The following ACAP2 variants were observed in gnomAD, a reference collection of about 807,000 sequenced individuals.
The protein encoded by ACAP2 is ArfGAP with coiled-coil, ankyrin repeat and PH domains 2.
In ACAP2, 39 loss-of-function variants were observed where a neutral mutation model predicts 115.8. The ratio of observed to expected loss-of-function variants is 0.34; its 90% CI spans 0.26 to 0.44. The LOEUF is 0.44. Among genes scored for constraint, ACAP2 ranks in the 20% least tolerant of loss-of-function variants. The pLI, the probability that ACAP2 is intolerant of heterozygous loss-of-function variation, is 1.00. For missense variants in ACAP2, 662 were observed against 927.6 expected (o/e 0.71, Z 3.72); for synonymous variants, 289 against 315.8 (o/e 0.92, Z 0.90).
intron 2 of ACAP2, among the ~76,000 whole-genome samples, chr3:195,382,543 C>G (rs1734018178): frequency 6.6e-6 from 1 of 151,812 alleles, no homozygotes; most frequent in African/African-American, 2.4e-5. Context: ...TCTTTCTCTC[C>G]TTTCTTTCAG....
At chr3:195,373,652 AG>A (rs1733325949) in intron 4 of ACAP2, among the ~76,000 whole-genome samples, 2 of 152,194 alleles carry the variant, frequency 1.3e-5, no homozygotes, top group South Asian at 4.1e-4. Context: ...ATATACTGCC[AG>A]GGACAGTGGC....
intron 4 of ACAP2, among the ~76,000 whole-genome samples, chr3:195,366,226 T>C (rs1177271131): frequency 1.3e-5 from 2 of 152,182 alleles, no homozygotes; most frequent in African/African-American, 2.4e-5. Context: ...TAGTGTTGTA[T>C]CACAATCACA....
At chr3:195,302,861 G>A (rs561389600) in intron 13 of ACAP2, among the ~76,000 whole-genome samples, 5 of 152,118 alleles carry the variant, frequency 3.3e-5, no homozygotes, top group Non-Finnish European at 7.4e-5. Context: ...GAAGCGGGAG[G>A]ACCACTTGGG....
At chr3:195,407,377 A>T (rs931350526) in intron 1 of ACAP2, among the ~76,000 whole-genome samples, 1 of 152,082 alleles carries the variant, frequency 6.6e-6, no homozygotes, top group South Asian at 2.1e-4. Context: ...AAAGGAAAAA[A>T]TACATTAAAA....
intron 4 of ACAP2, chr3:195,356,114 T>C (rs1204523910): frequency 6.6e-6 from 3 of 456,514 alleles, no homozygotes; most frequent in South Asian, 3.1e-5. Flanking sequence ...AAAGACAGTC[T>C]TGAATTGCTG....
chr3:195,313,108 A>C (rs1440530460), intron 10 of ACAP2: 1 of 152,282 alleles, frequency 6.6e-6, no homozygotes, highest in Non-Finnish European at 1.5e-5. Context: ...TTAAGCTCTG[A>C]ACCTAACAAA....
chr3:195,300,109 C>T (rs796837115), intron 15 of ACAP2, among the ~76,000 whole-genome samples: 54 of 144,200 alleles, frequency 3.7e-4, no homozygotes, highest in African/African-American at 1.2e-3. Context: ...TGCAGTGGTG[C>T]GATCTCGGCT....
chr3:195,369,370 A>G (rs1732966203), intron 4 of ACAP2, among the ~76,000 whole-genome samples: 2 of 152,178 alleles, frequency 1.3e-5, no homozygotes, highest in Non-Finnish European at 2.9e-5. Context: ...TCACCCAGGT[A>G]ACAAGCCTAG....
chr3:195,327,157 C>T (rs1729851073), intron 8 of ACAP2, among the ~76,000 whole-genome samples, 198 bp from the exon 9 acceptor site: 2 of 152,104 alleles, frequency 1.3e-5, no homozygotes, highest in Non-Finnish European at 2.9e-5. Context: ...TCCATATCTC[C>T]ACTAGAAAAT....
intron 1 of ACAP2, among the ~76,000 whole-genome samples, chr3:195,394,820 C>T (rs958684955): frequency 2.6e-5 from 4 of 152,064 alleles, no homozygotes; most frequent in Admixed American, 2.0e-4. Context: ...TGCTTGAGCC[C>T]GGAGGATTGC....
At chr3:195,434,923 GC>G (rs1715416674) in intron 1 of ACAP2, among the ~76,000 whole-genome samples, 1 of 151,868 alleles carries the variant, frequency 6.6e-6, no homozygotes, top group African/African-American at 2.4e-5. Flanking sequence ...GTAGTGATGT[GC>G]CCTCTTTCAC....
intron 13 of ACAP2, among the ~76,000 whole-genome samples, chr3:195,303,051 T>C (rs1728172380): frequency 6.6e-6 from 1 of 152,116 alleles, no homozygotes; most frequent in Admixed American, 6.5e-5. Flanking sequence ...CTGTCTCTAC[T>C]AAAAATACAA....
At chr3:195,372,279 G>A (rs1292849646) in intron 4 of ACAP2, among the ~76,000 whole-genome samples, 2 of 152,150 alleles carry the variant, frequency 1.3e-5, no homozygotes, top group African/African-American at 2.4e-5. Context: ...TTCATTAAGA[G>A]AATAACATTT....
At chr3:195,384,816 G>C (rs1056814801) in intron 2 of ACAP2, among the ~76,000 whole-genome samples, 1 of 152,020 alleles carries the variant, frequency 6.6e-6, no homozygotes, top group African/African-American at 2.4e-5. Flanking sequence ...ATTTTCACTG[G>C]GTACACACTT....
intron 14 of ACAP2, 46 bp from the exon 15 acceptor site, chr3:195,301,690 C>A (rs1340728405): frequency 1.1e-5 from 17 of 1,544,392 alleles, no homozygotes; most frequent in Admixed American, 5.4e-5. Context: ...TCTCTGTTTG[C>A]GTATTTGCGC....
In ACAP2 at chr3:195,435,394, C is replaced by T. The variant is rs1715459057; in HGVS notation, c.53+7401G>A. Among the ~76,000 whole-genome samples the T allele has an allele frequency of 2.0e-5, 3 of 151,924 alleles. No homozygotes were observed. The South Asian group carries it at 6.2e-4, about 32-fold the overall frequency. Reference sequence around the variant, plus strand: ...TTCACCATGTTGGTCTCTCAATCTCCTGACCTCGTGATCCACCCACCTCGG... The same window carrying T: ...TTCACCATGTTGGTCTCTCAATCTCTTGACCTCGTGATCCACCCACCTCGG... On this transcript the variant is annotated intron_variant, in intron 1 of 22. Coordinates refer to ENST00000326793, the MANE Select transcript of ACAP2 (RefSeq NM_012287.6).
intron 4 of ACAP2, among the ~76,000 whole-genome samples, chr3:195,353,285 T>G (rs1418558982): frequency 6.6e-6 from 1 of 152,152 alleles, no homozygotes; most frequent in Non-Finnish European, 1.5e-5. Flanking sequence ...CCCAAATTCC[T>G]GGCCCAGAAA....
chr3:195,319,464 A>G (rs950218411), intron 10 of ACAP2, among the ~76,000 whole-genome samples: 1 of 152,202 alleles, frequency 6.6e-6, no homozygotes, highest in African/African-American at 2.4e-5. Flanking sequence ...CAGGGGCTAC[A>G]CTCTGCAGAG....
intron 15 of ACAP2, among the ~76,000 whole-genome samples, chr3:195,301,187 G>A (rs769784882): frequency 3.3e-5 from 5 of 151,778 alleles, no homozygotes; most frequent in Non-Finnish European, 7.4e-5. Context: ...CCGGGTTCAC[G>A]CCATTCTCCT....
Sources: allele counts gnomAD v4.1 joint callset (sites outside exome capture counted in the v4.1 genomes callset), GRCh38; gene constraint gnomAD v4.1.1; transcripts MANE v1.5; gene names NCBI Gene and HGNC (gene_info 2026-07-23, HGNC 2026-07-21).